Variants in AFF1 observed in about 807,000 individuals in gnomAD.
AFF1 encodes the protein AF4/FMR2 family member 1.
Under a neutral mutation model 121.7 loss-of-function variants are expected in AFF1, and 48 were observed. The ratio of observed to expected loss-of-function variants is 0.39; its 90% CI spans 0.31 to 0.50. AFF1 has a LOEUF of 0.50. Among genes scored for constraint, AFF1 ranks in the 20% least tolerant of loss-of-function variants. The pLI is 0.76. For synonymous variants in AFF1, 613 were observed against 563.0 expected, an observed-to-expected ratio of 1.09 and a Z score of -1.26; for missense variants, 1,523 against 1,511.7, an observed-to-expected ratio of 1.01 and a Z score of -0.12.
chr4:87,010,282 A>AT (rs1726605346), intron 2 of AFF1, among the ~76,000 whole-genome samples: 1 of 152,176 alleles, frequency 6.6e-6, no homozygotes, highest in African/African-American at 2.4e-5. Flanking sequence ...TAAAATTTAG[A>AT]TTTTTGGGGG....
At chr4:87,013,500 G>T (rs566714226) in intron 2 of AFF1, among the ~76,000 whole-genome samples, 15 of 152,174 alleles carry the variant, frequency 9.9e-5, no homozygotes, top group African/African-American at 3.4e-4. Context: ...CTTTATTTCG[G>T]TATGTTTTCA....
rs560575301 is a variant in AFF1, at chr4:87,040,951, G to T, written c.39-5215G>T. ...AGTGCAGTGGCATGATCTCGGCTCA[G>T]TGCAACCTCTACCTCCCGGGTTCAA... is the stretch of plus-strand genomic sequence containing the variant. On this transcript the variant is annotated intron_variant, in intron 2 of 20. Coordinates refer to ENST00000395146, the MANE Select transcript of AFF1 (RefSeq NM_001166693.3). Among the ~76,000 whole-genome samples the T allele has an allele frequency of 1.2e-4, 16 of 128,296 alleles. 1 individual carries two copies. The South Asian group carries it at 4.0e-3, about 32-fold the overall frequency. The allele number at this position is 128,296 out of a possible 152,430, so 84.2% of individuals were successfully genotyped here. A position where few individuals can be genotyped will look rare whatever the true frequency, so the allele number is the denominator to read the frequency against.
At chr4:87,089,443 T>A (rs111266704) in intron 5 of AFF1, among the ~76,000 whole-genome samples, 4 of 152,332 alleles carry the variant, frequency 2.6e-5, no homozygotes, top group African/African-American at 9.6e-5. Flanking sequence ...TTCAAAAAAG[T>A]TCTTATTTGC....
intron 4 of AFF1, among the ~76,000 whole-genome samples, chr4:87,073,911 G>T (rs1022934699): frequency 4.6e-5 from 7 of 152,132 alleles, no homozygotes; most frequent in Non-Finnish European, 1.0e-4. Flanking sequence ...TAATTTAATA[G>T]TGTTTTGACT....
chr4:87,031,244 C>T (rs534894246), intron 2 of AFF1, among the ~76,000 whole-genome samples: 2 of 152,290 alleles, frequency 1.3e-5, no homozygotes, highest in South Asian at 4.1e-4. Flanking sequence ...GATCACTCCC[C>T]TACAAACTTA....
At position 87,026,206 on chromosome 4, in the gene AFF1, AAAAT is replaced by A. The variant is rs1187121619; in HGVS notation, c.39-19950_39-19947del. On this transcript the variant is annotated intron_variant, in intron 2 of 20. Coordinates refer to ENST00000395146, the MANE Select transcript of AFF1 (RefSeq NM_001166693.3). ...GGCAACAAGAGTGAAACTCTGTCTC[AAAAT>A]AAATAAATAGGTAAATAAATAAAAT... Among the ~76,000 whole-genome samples the A allele has an allele frequency of 3.3e-5, 5 of 152,262 alleles. No individual in the cohort carries two copies. The East Asian group carries it at 5.8e-4, about 18-fold the overall frequency.
intron 2 of AFF1, among the ~76,000 whole-genome samples, chr4:87,021,549 T>A (rs1727899020): frequency 6.6e-6 from 1 of 152,276 alleles, no homozygotes; most frequent in South Asian, 2.1e-4. Flanking sequence ...AGTATCCCAC[T>A]TTCTGGCAGA....
chr4:87,102,312 A>G (rs1725509852), intron 8 of AFF1, among the ~76,000 whole-genome samples: 1 of 152,246 alleles, frequency 6.6e-6, no homozygotes, highest in Non-Finnish European at 1.5e-5. Context: ...TATAAGGTTT[A>G]AAAGTTAATT....
intron 2 of AFF1, among the ~76,000 whole-genome samples, chr4:86,980,841 A>G (rs1488945290): frequency 2.0e-5 from 3 of 152,134 alleles, no homozygotes; most frequent in Non-Finnish European, 4.4e-5. Flanking sequence ...ATTATGAAAT[A>G]ACATTTTAAA....
chr4:87,020,813 C>T, intron 2 of AFF1: 1 of 985,330 alleles, frequency 1.0e-6, no homozygotes. Flanking sequence ...AGGTAGTCAT[C>T]ATTGTTAACG....
At chr4:86,957,575 C>T (rs547690304) in intron 2 of AFF1, among the ~76,000 whole-genome samples, 5 of 152,236 alleles carry the variant, frequency 3.3e-5, no homozygotes, top group African/African-American at 1.2e-4. Flanking sequence ...TGGAATCTCA[C>T]TCTGTTGCCC....
intron 2 of AFF1, among the ~76,000 whole-genome samples, chr4:87,023,376 A>G (rs1159998030): frequency 6.6e-6 from 1 of 152,174 alleles, no homozygotes; most frequent in African/African-American, 2.4e-5. Flanking sequence ...GTATGTTTAA[A>G]TTATCAGAAA....
At chr4:86,958,861 C>A (rs1362089844) in intron 2 of AFF1, among the ~76,000 whole-genome samples, 1 of 152,132 alleles carries the variant, frequency 6.6e-6, no homozygotes, top group African/African-American at 2.4e-5. Context: ...GGGGTGGGAG[C>A]ATTTACTAGT....
rs1724349869 is a variant in AFF1 at position 87,091,843 on chromosome 4, A to G, written c.1228+14A>G. The G allele has an allele frequency of 1.3e-6, 2 of 1,552,268 alleles. No homozygotes were observed. Among genetic ancestry groups the G allele is most frequent in the Admixed American group, 2.0e-5 (1 of 49,804 alleles). ...CCCAAAACCAAAGTAAGTAAATTTGAAACTGCTTATTGGATTGGAGAACAA... is the reference window on the plus strand; with the variant it reads ...CCCAAAACCAAAGTAAGTAAATTTGGAACTGCTTATTGGATTGGAGAACAA... On this transcript the variant is annotated intron_variant, in intron 7 of 20. Coordinates refer to ENST00000395146, the MANE Select transcript of AFF1 (RefSeq NM_001166693.3).
chr4:86,988,444 C>T (rs150887198), intron 2 of AFF1, among the ~76,000 whole-genome samples: 12 of 152,092 alleles, frequency 7.9e-5, no homozygotes, highest in Admixed American at 1.3e-4. Context: ...GTAGGACCTT[C>T]TTAAGACTGT....
Position 87,123,498 on chromosome 4 carries a change from C to T in AFF1, c.2467-1539C>T, listed in dbSNP as rs565393007. Among the ~76,000 whole-genome samples, 5 of 152,266 alleles carry T rather than the reference C, an allele frequency of 3.3e-5. No individual in the cohort carries two copies. In the South Asian group the frequency reaches 1.0e-3, roughly 32 times the overall value. ...CTGTATTTTCCCTTCTTAACATTCT[C>T]ACTTGTGCACATGCCGCAAGATTAA... is the stretch of plus-strand genomic sequence containing the variant. On this transcript the variant is annotated intron_variant, in intron 12 of 20. Coordinates refer to ENST00000395146, the MANE Select transcript of AFF1 (RefSeq NM_001166693.3).
intron 2 of AFF1, among the ~76,000 whole-genome samples, chr4:87,040,173 A>C (rs1367736731): frequency 6.6e-6 from 1 of 151,972 alleles, no homozygotes; most frequent in Non-Finnish European, 1.5e-5. Flanking sequence ...GGGATTACAG[A>C]TGTGAGCCAC....
chr4:86,998,515 C>A (rs1725425673), intron 2 of AFF1, among the ~76,000 whole-genome samples: 1 of 152,188 alleles, frequency 6.6e-6, no homozygotes, highest in South Asian at 2.1e-4. Flanking sequence ...CTGTTCCATT[C>A]AGAGATACCT....
chr4:87,125,692 A>G (rs1203385919), intron 13 of AFF1, among the ~76,000 whole-genome samples: 3 of 152,184 alleles, frequency 2.0e-5, no homozygotes, highest in Admixed American at 2.0e-4. Flanking sequence ...TACTCAAGAA[A>G]TTGCTTCAAA....
Sources: gnomAD v4.1 joint callset for allele counts (sites outside exome capture counted in the v4.1 genomes callset) on GRCh38, gnomAD v4.1.1 for gene constraint, MANE v1.5 for transcripts, NCBI Gene and HGNC (gene_info 2026-07-23, HGNC 2026-07-21) for gene names.